GLRB: variants seen among roughly 807,000 people sequenced by gnomAD.
GLRB encodes glycine receptor subunit beta.
Under a neutral mutation model 54.2 loss-of-function variants are expected in GLRB, and 33 were observed. The observed-to-expected ratio is 0.61, with a 90% CI of 0.46 to 0.81. The LOEUF (loss-of-function observed/expected upper bound fraction) is 0.81, where lower values mean the gene tolerates loss of function less well. Among genes scored for constraint, GLRB ranks in the 40% least tolerant of loss-of-function variants. The probability of loss-of-function intolerance (pLI) is 0.00; values close to 1 mark genes in which losing one functional copy is unlikely to be tolerated. For synonymous variants in GLRB, 209 were observed against 208.2 expected (o/e 1.00, Z -0.03); for missense variants, 572 against 584.6 (o/e 0.98, Z 0.22).
intron 2 of GLRB, among the ~76,000 whole-genome samples, chr4:157,098,500 G>A (rs1219373161): frequency 6.6e-6 from 1 of 152,182 alleles, no homozygotes; most frequent in Non-Finnish European, 1.5e-5. Context: ...GTACCATGAT[G>A]AGACAGTTTT....
intron 9 of GLRB, among the ~76,000 whole-genome samples, chr4:157,155,612 C>T (rs1295013094): frequency 6.6e-6 from 1 of 152,130 alleles, no homozygotes; most frequent in East Asian, 1.9e-4. Context: ...ATTGTGTTCA[C>T]TTCCTTCTGG....
intron 1 of GLRB, among the ~76,000 whole-genome samples, 199 bp from the exon 2 acceptor site, chr4:157,077,797 A>G (rs1039522327): frequency 2.0e-5 from 3 of 151,404 alleles, no homozygotes; most frequent in African/African-American, 7.3e-5. Flanking sequence ...TTTTACTGCT[A>G]TATAAAAAAG....
intron 2 of GLRB, among the ~76,000 whole-genome samples, chr4:157,116,422 C>A (rs192252985): frequency 6.6e-6 from 1 of 151,586 alleles, no homozygotes; most frequent in South Asian, 2.1e-4. Context: ...TAGTCAAATG[C>A]ATAAAACATT....
chr4:157,107,404 A>C (rs1042255981), intron 2 of GLRB, among the ~76,000 whole-genome samples: 1 of 152,120 alleles, frequency 6.6e-6, no homozygotes, highest in African/African-American at 2.4e-5. Context: ...TGCTAAGAAA[A>C]AGTTCTAGAA....
chr4:157,125,968 A>G lies in GLRB; in HGVS notation c.297+3571A>G, dbSNP rs139592965. 5.7e-3 allele frequency among the ~76,000 whole-genome samples: 866 copies of G among 151,886 alleles called. 11 individuals carry two copies. The highest frequency in any genetic ancestry group is 0.02 in the African/African-American group (811 of 41,476). ...GCTCTGTGCTTTCCTCTGAAATTCA[A>G]ACCATTCTACTTCAGCAGATAGTGC... On this transcript the variant is annotated intron_variant, in intron 4 of 9. Coordinates refer to ENST00000264428, the MANE Select transcript of GLRB (RefSeq NM_000824.5).
intron 2 of GLRB, among the ~76,000 whole-genome samples, chr4:157,092,665 A>G (rs1274997172): frequency 6.6e-6 from 1 of 152,198 alleles, no homozygotes; most frequent in African/African-American, 2.4e-5. Flanking sequence ...TGTGAGAGTT[A>G]GTGCCAGATG....
intron 2 of GLRB, among the ~76,000 whole-genome samples, chr4:157,117,577 A>G (rs1039134434): frequency 4.0e-5 from 6 of 151,650 alleles, no homozygotes; most frequent in African/African-American, 7.3e-5. Context: ...TAGTTCAGCA[A>G]TGGTCAATGC....
At chr4:157,116,035 G>T (rs1735597177) in intron 2 of GLRB, among the ~76,000 whole-genome samples, 1 of 151,748 alleles carries the variant, frequency 6.6e-6, no homozygotes. Flanking sequence ...GTGCACTGTG[G>T]TCACTGAAGG....
chr4:157,083,697 A>G (rs879622727), intron 2 of GLRB, among the ~76,000 whole-genome samples: 3 of 152,152 alleles, frequency 2.0e-5, no homozygotes, highest in Admixed American at 6.6e-5. Context: ...TTATTTAAGT[A>G]TGTCTTTATT....
chr4:157,095,790 A>C (rs1734787545), intron 2 of GLRB, among the ~76,000 whole-genome samples: 2 of 152,170 alleles, frequency 1.3e-5, no homozygotes, highest in Non-Finnish European at 1.5e-5. Flanking sequence ...AGGGTAGAGC[A>C]AATAGATCAG....
chr4:157,100,149 G>A (rs1734963818), intron 2 of GLRB, among the ~76,000 whole-genome samples: 2 of 152,068 alleles, frequency 1.3e-5, no homozygotes, highest in Non-Finnish European at 2.9e-5. Context: ...AATCTGATTT[G>A]TTACTCATTT....
At chr4:157,128,241 C>T (rs1736087241) in intron 4 of GLRB, among the ~76,000 whole-genome samples, 1 of 151,680 alleles carries the variant, frequency 6.6e-6, no homozygotes, top group African/African-American at 2.4e-5. Flanking sequence ...GTCAAAGTTA[C>T]CTTTTTTTAG....
At chr4:157,111,087 A>G (rs929723952) in intron 2 of GLRB, among the ~76,000 whole-genome samples, 3 of 151,898 alleles carry the variant, frequency 2.0e-5, no homozygotes, top group Non-Finnish European at 4.4e-5. Flanking sequence ...TTTGTTCTTT[A>G]TAGCCTTCAG....
At chr4:157,082,588 G>T (rs1286818986) in intron 2 of GLRB, among the ~76,000 whole-genome samples, 7 of 152,092 alleles carry the variant, frequency 4.6e-5, no homozygotes, top group Non-Finnish European at 1.0e-4. Flanking sequence ...TAGAAATATG[G>T]TCTCAATATA....
At chr4:157,116,683 AT>A (rs1192719808) in intron 2 of GLRB, among the ~76,000 whole-genome samples, 7 of 151,744 alleles carry the variant, frequency 4.6e-5, no homozygotes, top group African/African-American at 1.4e-4. Flanking sequence ...TGTAGAGATA[AT>A]TTTAATGTTA....
At chr4:157,099,300 G>A (rs1358016729) in intron 2 of GLRB, among the ~76,000 whole-genome samples, 4 of 150,800 alleles carry the variant, frequency 2.7e-5, no homozygotes, top group Non-Finnish European at 4.4e-5. Flanking sequence ...TATTCATAAT[G>A]TTTTCAGTCT....
chr4:157,110,442 A>T (rs1000317123), intron 2 of GLRB, among the ~76,000 whole-genome samples: 2 of 151,528 alleles, frequency 1.3e-5, no homozygotes, highest in Non-Finnish European at 2.9e-5. Context: ...TCTCTATTGA[A>T]TTTTTTAGTT....
chr4:157,120,050 G>T (rs1022920479), intron 2 of GLRB, among the ~76,000 whole-genome samples: 5 of 151,792 alleles, frequency 3.3e-5, no homozygotes, highest in Non-Finnish European at 7.4e-5. Flanking sequence ...ATGCTATGCA[G>T]CCATAAAAAA....
chr4:157,093,400 A>T (rs147537087), intron 2 of GLRB, among the ~76,000 whole-genome samples: 78 of 152,286 alleles, frequency 5.1e-4, no homozygotes, highest in African/African-American at 1.7e-3. Context: ...ATATGTATTC[A>T]TCTAATAAGA....
Sources: allele counts gnomAD v4.1 joint callset (sites outside exome capture counted in the v4.1 genomes callset), GRCh38; gene constraint gnomAD v4.1.1; transcripts MANE v1.5; gene names NCBI Gene and HGNC (gene_info 2026-07-23, HGNC 2026-07-21).